The following MAPT variants were observed in gnomAD, a reference collection of about 807,000 sequenced individuals.
MAPT encodes microtubule associated protein tau.
A neutral mutation model predicts 67.9 loss-of-function variants in MAPT; 34 were observed. That is an observed-to-expected ratio of 0.50 (90% CI 0.38 to 0.67). MAPT has a LOEUF of 0.67. Ranked by LOEUF, MAPT falls within the 30% of genes least tolerant of loss-of-function variation. The pLI is 0.00. For synonymous variants in MAPT, 456 were observed against 464.5 expected, an observed-to-expected ratio of 0.98 and a Z score of 0.23; for missense variants, 881 against 1,115.2, an observed-to-expected ratio of 0.79 and a Z score of 2.99.
intron 1 of MAPT, among the ~76,000 whole-genome samples, chr17:45,922,439 A>G (rs1440330663): frequency 6.6e-6 from 1 of 150,382 alleles, no homozygotes; most frequent in African/African-American, 2.4e-5. Context: ...TGTGCCAGGC[A>G]CTGGGCTGCT....
chr17:45,978,970 TC>T (rs2072672592), intron 4 of MAPT: 1 of 151,836 alleles, frequency 6.6e-6, no homozygotes. Flanking sequence ...ATCATTGCAC[TC>T]CAGCCTGGGC....
intron 8 of MAPT, chr17:45,993,963 C>G (rs1283365117): frequency 3.2e-6 from 5 of 1,574,974 alleles, no homozygotes; most frequent in Non-Finnish European, 3.4e-6. Context: ...CCTGCAGGGC[C>G]CAGATCTGAG....
chr17:45,926,631 T>G (rs2066317241), intron 1 of MAPT, among the ~76,000 whole-genome samples: 1 of 152,198 alleles, frequency 6.6e-6, no homozygotes, highest in Non-Finnish European at 1.5e-5. Context: ...TTTAAAAATC[T>G]ATAAGAGACA....
chr17:45,971,502 G>A lies in MAPT; in HGVS notation c.134-357G>A, dbSNP rs1336610469. On this transcript the variant is annotated intron_variant, in intron 2 of 12. Coordinates refer to ENST00000262410, the MANE Select transcript of MAPT (RefSeq NM_001377265.1). The surrounding 1 kb of genome is among the most constrained non-coding windows in gnomAD (Gnocchi z 4.3). The stretch of plus-strand genomic sequence containing the variant: ...GTTAATTAATAGCAATGACAAAGCA[G>A]AAGGTTCATGCGTAGCTCGGCTTTC... Among the ~76,000 whole-genome samples the A allele has an allele frequency of 1.3e-5, 2 of 152,224 alleles. No homozygotes were observed. Among genetic ancestry groups the A allele is most frequent in the African/African-American group, 4.8e-5 (2 of 41,460 alleles).
chr17:45,967,067 G>A (rs1035282753), intron 2 of MAPT, among the ~76,000 whole-genome samples: 3 of 152,178 alleles, frequency 2.0e-5, no homozygotes, highest in African/African-American at 7.2e-5. Context: ...ATAAGTGACA[G>A]AAGACAAGAA....
chr17:45,953,032 T>TGATGAC (rs1470910535), intron 1 of MAPT, among the ~76,000 whole-genome samples: 1 of 151,580 alleles, frequency 6.6e-6, no homozygotes. Context: ...ATGATGATGA[T>TGATGAC]GACACCTACC....
In MAPT at chr17:46,010,319, A is replaced by G; in HGVS notation, c.2008A>G (p.Ile670Val). 6.4e-7 allele frequency: 1 copy of G among 1,570,642 alleles called. No homozygotes were observed. Among genetic ancestry groups the G allele is most frequent in the Non-Finnish European group, 8.6e-7 (1 of 1,156,610 alleles). Residue 670 changes from isoleucine (I) to valine (V), a missense_variant, in exon 10 of 13, where the codon ATT becomes GTT. Ile to Val is a conservative substitution (Grantham distance 29, BLOSUM62 3). Transcript: ENST00000262410. The surrounding 1 kb of genome is among the most constrained non-coding windows in gnomAD (Gnocchi z 4.7). Reference sequence around the variant, plus strand: ...TTTCTGGCTACCAAAGGTGCAGATAATTAATAAGAAGCTGGATCTTAGCAA... The same window carrying G: ...TTTCTGGCTACCAAAGGTGCAGATAGTTAATAAGAAGCTGGATCTTAGCAA... ...HQPGGGKVQIINKKLDLSNVQ... is the reference protein window; with the variant it reads ...HQPGGGKVQIVNKKLDLSNVQ...
chr17:45,962,495 G>A, intron 2 of MAPT, 25 bp downstream of exon 2: 1 of 1,611,916 alleles, frequency 6.2e-7, no homozygotes, highest in Non-Finnish European at 8.5e-7. Flanking sequence ...ATGCACAGCA[G>A]GCCCAGATCA....
chr17:46,002,948 A>T (rs942300731), intron 9 of MAPT, among the ~76,000 whole-genome samples: 21 of 151,884 alleles, frequency 1.4e-4, no homozygotes, highest in Non-Finnish European at 5.9e-5. Context: ...GTGCCCAACT[A>T]ATTTCTTATA....
chr17:45,917,299 C>G (rs958499425), intron 1 of MAPT, among the ~76,000 whole-genome samples: 16 of 152,198 alleles, frequency 1.1e-4, no homozygotes, highest in African/African-American at 3.9e-4. Context: ...GTCGAGTGGT[C>G]GGTCACCTCT....
intron 1 of MAPT, among the ~76,000 whole-genome samples, chr17:45,937,262 A>G (rs922555252): frequency 6.6e-6 from 1 of 152,058 alleles, no homozygotes; most frequent in East Asian, 1.9e-4. Flanking sequence ...CACTTTCTCT[A>G]GGAAGCTAGT....
intron 11 of MAPT, among the ~76,000 whole-genome samples, chr17:46,014,539 T>C (rs1362153257): frequency 6.6e-6 from 1 of 151,882 alleles, no homozygotes; most frequent in African/African-American, 2.4e-5. Context: ...CAAGACAAGG[T>C]GAGGCGGGAG....
In MAPT at chr17:45,906,677, G is replaced by A. The variant is rs944766198; in HGVS notation, c.-18+11991G>A. 2.6e-5 allele frequency among the ~76,000 whole-genome samples: 4 copies of A among 152,238 alleles called. No homozygotes were observed. Among genetic ancestry groups the A allele is most frequent in the South Asian group, 4.2e-4 (2 of 4,816 alleles). On this transcript the variant is annotated intron_variant, in intron 1 of 12. Transcript: ENST00000262410. This position sits in a 1 kb window ranked among gnomAD's most constrained non-coding sequence, Gnocchi z 4.3. ...TCTTCTCCAGCGTGGCCAGGTTTGA[G>A]TGCCAGTCCTGGGTGTCCAGTGGCC...
chr17:45,945,366 G>A (rs1266730698), intron 1 of MAPT, among the ~76,000 whole-genome samples: 4 of 152,194 alleles, frequency 2.6e-5, no homozygotes, highest in African/African-American at 7.2e-5. Context: ...AAAAGGGATC[G>A]AAGATGTAAA....
chr17:45,904,340 A>ATATATATTATATATATTATATATAT (rs2064123306), intron 1 of MAPT, among the ~76,000 whole-genome samples: 1 of 80,878 alleles, frequency 1.2e-5, no homozygotes, highest in South Asian at 2.7e-4. Flanking sequence ...TATATATTAT[A>ATATATATTATATATATTATATATAT]TATATATTAT....
At chr17:45,974,680 C>T in intron 3 of MAPT, 3 of 585,584 alleles carry the variant, frequency 5.1e-6, no homozygotes, top group South Asian at 4.0e-5. Flanking sequence ...CCTCTCAGAG[C>T]ATTTAGGGCC....
intron 1 of MAPT, among the ~76,000 whole-genome samples, chr17:45,941,397 C>T (rs2067839319): frequency 6.6e-6 from 1 of 152,190 alleles, no homozygotes; most frequent in South Asian, 2.1e-4. Context: ...GTGTGGAGGG[C>T]GTAGCACAGA....
At chr17:45,980,570 A>G (rs2145602719) in intron 4 of MAPT, 1 of 149,518 alleles carries the variant, frequency 6.7e-6, no homozygotes, top group Non-Finnish European at 1.5e-5. Flanking sequence ...GTAATTAATC[A>G]TGTCAGTTTC....
At chr17:45,972,948 T>A (rs1309922009) in intron 3 of MAPT, 1 of 152,214 alleles carries the variant, frequency 6.6e-6, no homozygotes, top group African/African-American at 2.4e-5. Context: ...TTTAGCAGAA[T>A]AAACCAAGGG....
Sources: allele counts gnomAD v4.1 joint callset (sites outside exome capture counted in the v4.1 genomes callset), GRCh38; gene constraint gnomAD v4.1.1; non-coding constraint Gnocchi (gnomAD v3.1); transcripts MANE v1.5; gene names NCBI Gene and HGNC (gene_info 2026-07-23, HGNC 2026-07-21).